The following ROBO2 variants were observed in gnomAD, a reference collection of about 807,000 sequenced individuals.
The protein encoded by ROBO2 is roundabout guidance receptor 2, also known as roundabout homolog 2.
ROBO2 carries 53 observed loss-of-function variants against 160.8 expected under a neutral mutation model. The observed-to-expected ratio is 0.33, with a 90% CI of 0.26 to 0.41. The LOEUF is 0.41. ROBO2 is among the 10% of genes least tolerant of loss of function. ROBO2 has a pLI of 1.00. For synonymous variants in ROBO2, 664 were observed against 611.7 expected (o/e 1.09, Z -1.26); for missense variants, 1,577 against 1,722.4 (o/e 0.92, Z 1.49).
intron 2 of ROBO2, among the ~76,000 whole-genome samples, chr3:76,940,604 C>T (rs144285275): frequency 2.6e-5 from 4 of 152,326 alleles, no homozygotes; most frequent in African/African-American, 9.6e-5. Context: ...CAATAGGCAT[C>T]CATCGGCAGA....
intron 2 of ROBO2, among the ~76,000 whole-genome samples, chr3:76,937,825 T>C (rs1323393773): frequency 6.6e-6 from 1 of 152,240 alleles, no homozygotes; most frequent in Non-Finnish European, 1.5e-5. Context: ...TTCAAAGTTA[T>C]GCATAAAGCT....
At chr3:77,344,758 G>C (rs947486730) in intron 2 of ROBO2, among the ~76,000 whole-genome samples, 2 of 152,076 alleles carry the variant, frequency 1.3e-5, no homozygotes, top group African/African-American at 4.8e-5. Flanking sequence ...GGTTGTTAAA[G>C]ATAGGTGATG....
chr3:76,570,692 A>T (rs2084903720), intron 2 of ROBO2, among the ~76,000 whole-genome samples: 1 of 152,158 alleles, frequency 6.6e-6, no homozygotes, highest in African/African-American at 2.4e-5. Context: ...TAAGGAAGGT[A>T]ATCTGGTTTA....
chr3:77,478,061 G>A (rs1171272185), intron 3 of ROBO2, among the ~76,000 whole-genome samples: 4 of 151,808 alleles, frequency 2.6e-5, no homozygotes, highest in Admixed American at 6.6e-5. Flanking sequence ...TCTTGACCTC[G>A]TGATCCACCC....
At chr3:76,899,870 T>C (rs1019956996) in intron 2 of ROBO2, among the ~76,000 whole-genome samples, 8 of 152,140 alleles carry the variant, frequency 5.3e-5, no homozygotes, top group African/African-American at 4.8e-5. Flanking sequence ...CATTCGTATA[T>C]ATTTTTTAAC....
intron 2 of ROBO2, among the ~76,000 whole-genome samples, chr3:77,001,423 T>C (rs1392522898): frequency 6.6e-6 from 1 of 152,168 alleles, no homozygotes; most frequent in Non-Finnish European, 1.5e-5. Context: ...AAAATAGTTG[T>C]GAGTATCACA....
chr3:77,197,887 G>A (rs1015715864), intron 2 of ROBO2, among the ~76,000 whole-genome samples: 1 of 152,186 alleles, frequency 6.6e-6, no homozygotes, highest in Non-Finnish European at 1.5e-5. Flanking sequence ...ATGTAATTAT[G>A]GAAGGCAGGT....
In ROBO2 at chr3:77,294,616, A is replaced by G. The variant is rs560824540; in HGVS notation, c.389-182798A>G. On this transcript the variant is annotated intron_variant, in intron 2 of 25. Coordinates refer to ENST00000461745, the Ensembl canonical transcript of ROBO2. Reference sequence around the variant, plus strand: ...GCTAGATCATCAAAGACATAAAGTAAAATTGACGGTTAAACGGGTAAGCTG... The same window carrying G: ...GCTAGATCATCAAAGACATAAAGTAGAATTGACGGTTAAACGGGTAAGCTG... 1.6e-3 allele frequency among the ~76,000 whole-genome samples: 246 copies of G among 149,384 alleles called. 4 individuals carry two copies. Among genetic ancestry groups the G allele is most frequent in the Non-Finnish European group, 2.8e-3 (189 of 67,884 alleles).
chr3:76,455,019 C>G (rs570339924), intron 2 of ROBO2, among the ~76,000 whole-genome samples: 1 of 152,040 alleles, frequency 6.6e-6, no homozygotes, highest in East Asian at 1.9e-4. Flanking sequence ...AATTGTGGTC[C>G]AACTAGGTAA....
intron 5 of ROBO2, among the ~76,000 whole-genome samples, chr3:77,516,559 C>T (rs77812855): frequency 0.021 from 3,230 of 151,326 alleles, 116 homozygotes; most frequent in African/African-American, 0.071. Flanking sequence ...TTTATTTTGG[C>T]GGAGAGAGAG....
chr3:76,077,048 TTTTG>T (rs2068665711), intron 2 of ROBO2, among the ~76,000 whole-genome samples: 1 of 152,222 alleles, frequency 6.6e-6, no homozygotes, highest in Admixed American at 6.5e-5. Flanking sequence ...GCAAAGTGAA[TTTTG>T]TTTGTTTTTA....
At chr3:77,479,191 G>A (rs1373202564) in intron 3 of ROBO2, among the ~76,000 whole-genome samples, 4 of 152,192 alleles carry the variant, frequency 2.6e-5, no homozygotes, top group Admixed American at 6.5e-5. Flanking sequence ...AAGGTGAGGG[G>A]CAGAACTGCA....
chr3:76,284,111 A>T (rs757749239), intron 2 of ROBO2, among the ~76,000 whole-genome samples: 64 of 152,020 alleles, frequency 4.2e-4, no homozygotes, highest in Non-Finnish European at 8.1e-4. Flanking sequence ...GTATGTTTTC[A>T]CCTTTAAAAA....
intron 2 of ROBO2, among the ~76,000 whole-genome samples, chr3:75,959,588 T>C (rs1419358243): frequency 6.6e-6 from 1 of 151,786 alleles, no homozygotes; most frequent in Non-Finnish European, 1.5e-5. Flanking sequence ...TTACACTTGC[T>C]TATGTGAGTT....
chr3:76,001,963 A>G (rs1277699566), intron 2 of ROBO2, among the ~76,000 whole-genome samples: 1 of 152,202 alleles, frequency 6.6e-6, no homozygotes, highest in East Asian at 1.9e-4. Flanking sequence ...ATTGATGGAA[A>G]TTTTCTCTTA....
At chr3:76,093,892 CATAAGT>C (rs1459328146) in intron 2 of ROBO2, among the ~76,000 whole-genome samples, 2 of 151,982 alleles carry the variant, frequency 1.3e-5, no homozygotes, top group Admixed American at 6.6e-5. Context: ...TGGTCAGCCT[CATAAGT>C]ATAAGAATCT....
chr3:76,746,234 T>G (rs1402272372), intron 2 of ROBO2, among the ~76,000 whole-genome samples: 4 of 151,938 alleles, frequency 2.6e-5, no homozygotes, highest in Non-Finnish European at 5.9e-5. Flanking sequence ...AGTCTATCAT[T>G]GTTGGACATT....
intron 5 of ROBO2, among the ~76,000 whole-genome samples, chr3:77,495,769 C>G (rs1471374210): frequency 6.6e-6 from 1 of 152,108 alleles, no homozygotes; most frequent in Non-Finnish European, 1.5e-5. Context: ...GCACTGGCCA[C>G]CCTGTTAATT....
intron 2 of ROBO2, among the ~76,000 whole-genome samples, chr3:76,171,083 C>T (rs186445338): frequency 2.0e-5 from 3 of 152,088 alleles, no homozygotes; most frequent in Non-Finnish European, 4.4e-5. Context: ...TTAATTCATG[C>T]CATAGTCTGA....
Sources: gnomAD v4.1 joint callset for allele counts (sites outside exome capture counted in the v4.1 genomes callset) on GRCh38, gnomAD v4.1.1 for gene constraint, MANE v1.5 for transcripts, NCBI Gene and HGNC (gene_info 2026-07-23, HGNC 2026-07-21) for gene names.